Variants in FTO observed in about 807,000 individuals in gnomAD.
FTO encodes the protein FTO alpha-ketoglutarate dependent dioxygenase.
In FTO, 47 loss-of-function variants were observed where a neutral mutation model predicts 63.9. The observed-to-expected ratio is 0.74, with a 90% CI of 0.58 to 0.94. FTO has a LOEUF of 0.94. Ranked by LOEUF, FTO falls within the 40% of genes least tolerant of loss-of-function variation. The pLI is 0.00. For missense variants in FTO, 562 were observed against 618.1 expected, an observed-to-expected ratio of 0.91 and a Z score of 0.96; for synonymous variants, 207 against 224.4, an observed-to-expected ratio of 0.92 and a Z score of 0.69.
At chr16:54,007,570 A>G (rs1323463920) in intron 8 of FTO, among the ~76,000 whole-genome samples, 1 of 152,266 alleles carries the variant, frequency 6.6e-6, no homozygotes, top group Non-Finnish European at 1.5e-5. Flanking sequence ...TACTGTTATT[A>G]ATAGATCAGA....
chr16:53,731,198 A>T (rs2151511895), intron 1 of FTO, among the ~76,000 whole-genome samples: 1 of 152,324 alleles, frequency 6.6e-6, no homozygotes, highest in Non-Finnish European at 1.5e-5. Flanking sequence ...TAATGGGCAT[A>T]AAGAGAAGAA....
chr16:53,915,022 T>C (rs1051047553), intron 7 of FTO, among the ~76,000 whole-genome samples: 15 of 152,170 alleles, frequency 9.9e-5, no homozygotes, highest in Admixed American at 3.9e-4. Flanking sequence ...AAGCAACTTA[T>C]TGTAAAAGAG....
chr16:53,935,201 C>CT (rs1287059094), intron 8 of FTO, among the ~76,000 whole-genome samples: 1 of 152,120 alleles, frequency 6.6e-6, no homozygotes, highest in Non-Finnish European at 1.5e-5. Flanking sequence ...GTCTCAGAGT[C>CT]TTATTTGGTG....
chr16:53,941,990 GT>G (rs1349681593), intron 8 of FTO, among the ~76,000 whole-genome samples: 12 of 152,216 alleles, frequency 7.9e-5, no homozygotes, highest in Non-Finnish European at 1.8e-4. Context: ...ACTCAGATTT[GT>G]GAAATACCTT....
chr16:53,860,865 G>T (rs2151853359), intron 4 of FTO, among the ~76,000 whole-genome samples: 1 of 144,888 alleles, frequency 6.9e-6, no homozygotes, highest in East Asian at 2.0e-4. Flanking sequence ...TAAGAGAGTA[G>T]ATCTTAAATG....
At chr16:53,926,554 T>C (rs1017287165) in intron 7 of FTO, among the ~76,000 whole-genome samples, 2 of 152,208 alleles carry the variant, frequency 1.3e-5, no homozygotes, top group Admixed American at 6.5e-5. Flanking sequence ...GTAAGTGCAA[T>C]GGAGTACGAC....
rs561967100 is a variant in FTO, at chr16:53,799,955, A to G, written c.46-10185A>G. Among the ~76,000 whole-genome samples the G allele has an allele frequency of 3.3e-5, 5 of 152,126 alleles. No homozygotes were observed. The East Asian group carries it at 9.7e-4, about 29-fold the overall frequency. Reference sequence around the variant, plus strand: ...AGGGATTTTAAATTTTCTTTTCTCAAAGAACTAGCTTTTGGCTTCATTTTT... The same window carrying G: ...AGGGATTTTAAATTTTCTTTTCTCAGAGAACTAGCTTTTGGCTTCATTTTT... On this transcript the variant is annotated intron_variant, in intron 1 of 8. Coordinates refer to ENST00000471389, the MANE Select transcript of FTO (RefSeq NM_001080432.3).
intron 8 of FTO, chr16:53,991,816 A>C (rs1367533835): frequency 6.6e-6 from 1 of 152,216 alleles, no homozygotes; most frequent in East Asian, 1.9e-4. Flanking sequence ...TTCAATAGGC[A>C]CATCCTCAGA....
intron 5 of FTO, among the ~76,000 whole-genome samples, chr16:53,878,478 C>T (rs1247009044): frequency 6.6e-6 from 1 of 152,124 alleles, no homozygotes; most frequent in Non-Finnish European, 1.5e-5. Context: ...TTTCTTGGCA[C>T]AGAAACTTTG....
intron 7 of FTO, among the ~76,000 whole-genome samples, chr16:53,915,680 G>T (rs1462581878): frequency 6.6e-6 from 1 of 152,136 alleles, no homozygotes; most frequent in Admixed American, 6.5e-5. Flanking sequence ...TTCAGTTGTT[G>T]CCCATTTTTC....
intron 3 of FTO, among the ~76,000 whole-genome samples, chr16:53,836,500 A>G (rs1354457723): frequency 6.6e-6 from 1 of 152,132 alleles, no homozygotes; most frequent in Non-Finnish European, 1.5e-5. Context: ...TTTGCCCCAA[A>G]TCTGTTAAGT....
chr16:54,081,679 T>C (rs1599335257), intron 8 of FTO, among the ~76,000 whole-genome samples: 1 of 152,284 alleles, frequency 6.6e-6, no homozygotes, highest in Admixed American at 6.5e-5. Context: ...GTAGGAATAG[T>C]AGGAGGCACC....
intron 1 of FTO, among the ~76,000 whole-genome samples, chr16:53,762,291 A>G (rs1439946703): frequency 6.6e-6 from 1 of 152,080 alleles, no homozygotes; most frequent in African/African-American, 2.4e-5. Context: ...CAATACTGTC[A>G]TTTTCTCTAA....
At chr16:53,767,990 C>CT (rs1471828027) in intron 1 of FTO, among the ~76,000 whole-genome samples, 2 of 152,156 alleles carry the variant, frequency 1.3e-5, no homozygotes, top group African/African-American at 4.8e-5. Context: ...AATATAATGC[C>CT]TGACACATAG....
chr16:54,071,555 C>G (rs1485581900), intron 8 of FTO: 1 of 152,102 alleles, frequency 6.6e-6, no homozygotes, highest in East Asian at 1.9e-4. Flanking sequence ...TCATCTCAGC[C>G]CCTTCTGGTG....
intron 8 of FTO, among the ~76,000 whole-genome samples, chr16:54,100,587 T>C (rs2086618922): frequency 6.6e-6 from 1 of 152,134 alleles, no homozygotes; most frequent in South Asian, 2.1e-4. Flanking sequence ...ACTCCTGAGC[T>C]TACTATCTGC....
chr16:53,943,653 A>G (rs962690943), intron 8 of FTO, among the ~76,000 whole-genome samples: 1 of 152,212 alleles, frequency 6.6e-6, no homozygotes, highest in Non-Finnish European at 1.5e-5. Context: ...TCTTTTATAA[A>G]ATGTGCATAT....
At chr16:54,010,800 G>A (rs2084317657) in intron 8 of FTO, among the ~76,000 whole-genome samples, 1 of 152,170 alleles carries the variant, frequency 6.6e-6, no homozygotes. Flanking sequence ...ACTGAACTGT[G>A]AGACTAATTT....
At chr16:53,896,843 G>C (rs750443386) in intron 7 of FTO, among the ~76,000 whole-genome samples, 1 of 152,052 alleles carries the variant, frequency 6.6e-6, no homozygotes, top group African/African-American at 2.4e-5. Context: ...GGAACTCAGC[G>C]CTCCTCTTGC....
Sources: gnomAD v4.1 joint callset for allele counts (sites outside exome capture counted in the v4.1 genomes callset) on GRCh38, gnomAD v4.1.1 for gene constraint, MANE v1.5 for transcripts, NCBI Gene and HGNC (gene_info 2026-07-23, HGNC 2026-07-21) for gene names.